USP17L7: variants seen among roughly 807,000 people sequenced by gnomAD.
USP17L7 encodes ubiquitin specific peptidase 17 like family member 7, also known as inactive ubiquitin carboxyl-terminal hydrolase 17-like protein 7.
In USP17L7, 53 loss-of-function variants were observed where a neutral mutation model predicts 37.6. The observed-to-expected ratio is 1.41, with a 90% CI of 1.13 to 1.77. USP17L7 has a LOEUF of 1.77. Among genes scored for constraint, USP17L7 ranks in the 40% most tolerant of loss-of-function variants. The pLI is 0.00. For missense variants in USP17L7, 914 were observed against 645.0 expected (o/e 1.42, Z -4.52); for synonymous variants, 330 against 251.0 (o/e 1.31, Z -2.98).
rs745677004 is a variant in USP17L7, at chr8:12,133,715, T to C, written c.295A>G (p.Thr99Ala). 1 of 1,318,056 alleles carries C rather than the reference T, an allele frequency of 7.6e-7. No individual in the cohort carries two copies. The highest frequency in any genetic ancestry group is 1.1e-6 in the Non-Finnish European group (1 of 935,890). 81.6% of individuals were successfully genotyped at this position (1,318,056 alleles called of 1,614,324 possible). ...FYVNVSLQCLTYTLPLSNYML... is the reference protein window; with the variant it reads ...FYVNVSLQCLAYTLPLSNYML... ...TAGTTGGAAAGCGGCAGTGTGTATGTCAGGCACTGCAGGGAAACGTTCACA... is the reference window on the plus strand; with the variant it reads ...TAGTTGGAAAGCGGCAGTGTGTATGCCAGGCACTGCAGGGAAACGTTCACA... Residue 99 changes from threonine to alanine, a missense_variant, in exon 1 of 1, where the codon ACA becomes GCA. Thr to Ala is a moderately conservative substitution (Grantham distance 58). Coordinates refer to ENST00000530447, the MANE Select transcript of USP17L7 (RefSeq NM_001256869.2).
Position 12,133,890 on chromosome 8 carries a change from C to T in USP17L7, c.120G>A (p.Lys40=). 4 of 1,498,034 alleles carry T rather than the reference C, an allele frequency of 2.7e-6. No individual in the cohort carries two copies. Among genetic ancestry groups the T allele is most frequent in the Non-Finnish European group, 3.6e-6 (4 of 1,099,344 alleles). The allele number at this position is 1,498,034 out of a possible 1,614,324, so 92.8% of individuals were successfully genotyped here. The change falls in exon 1 of 1, where the codon AAG becomes AAA. Residue 40 remains lysine (K), a synonymous_variant. Coordinates refer to ENST00000530447, the MANE Select transcript of USP17L7 (RefSeq NM_001256869.2). ...AEIQRTSLSE[K]SPLSSETRFD... ...AACGGGTCTCAGATGAGAGTGGTGA[C>T]TTTTCAGAGAGAGAAGTCCGCTGGA... is the stretch of plus-strand genomic sequence containing the variant.
At position 12,132,804 on chromosome 8, in the gene USP17L7, T is replaced by G. The variant is rs756018706; in HGVS notation, c.1206A>C (p.Pro402=). 6.6e-7 allele frequency: 1 copy of G among 1,518,698 alleles called. No homozygotes were observed. 94.1% of individuals were successfully genotyped at this position (1,518,698 alleles called of 1,614,324 possible). The change falls in exon 1 of 1, where the codon CCA becomes CCC. Residue 402 remains proline, a synonymous_variant. Transcript: ENST00000530447. ...RALGAEDTDR[P]ATQGELKRDH... is the part of the protein sequence containing the mutation. The stretch of plus-strand genomic sequence containing the variant: ...CTCTCTTGAGCTCTCCTTGCGTTGC[T>G]GGCCTGTCTGTGTCTTCAGCACCAA...
rs1328066519 is a variant in USP17L7 at position 12,133,735 on chromosome 8, T to C, written c.275A>G (p.Asn92Ser). 7.2e-7 allele frequency: 1 copy of C among 1,382,220 alleles called. No homozygotes were observed. The highest frequency in any genetic ancestry group is 1.0e-6 in the Non-Finnish European group (1 of 994,642). 85.6% of individuals were successfully genotyped at this position (1,382,220 alleles called of 1,614,324 possible). The change falls in exon 1 of 1, where the codon AAC (asparagine) becomes AGC (serine). Residue 92 changes from asparagine to serine, a missense_variant. Asn to Ser is a conservative substitution (Grantham distance 46). Coordinates refer to ENST00000530447, the MANE Select transcript of USP17L7 (RefSeq NM_001256869.2). ...GTATGTCAGGCACTGCAGGGAAACG[T>C]TCACATAGAAGGTATTTCCTATCTT... ...LQKIGNTFYV[N>S]VSLQCLTYTL...
Position 12,133,502 on chromosome 8 carries a change from C to A in USP17L7, c.508G>T (p.Asp170Tyr). 2 of 1,476,014 alleles carry A rather than the reference C, an allele frequency of 1.4e-6. 1 individual carries two copies. The highest frequency in any genetic ancestry group is 1.8e-6 in the Non-Finnish European group (2 of 1,081,642). The allele number at this position is 1,476,014 out of a possible 1,614,324, so 91.4% of individuals were successfully genotyped here. ...GGAAGGCATGCCTTTTTCATGGCAT[C>A]CACAGTAAACATGAGAAATTCATGG... ...DAHEFLMFTVDAMKKACLPGH... is the reference protein window; with the variant it reads ...DAHEFLMFTVYAMKKACLPGH... The change falls in exon 1 of 1, where the codon GAT becomes TAT. Residue 170 changes from aspartate to tyrosine, a missense_variant. Transcript: ENST00000530447.
chr8:12,133,438 G>T lies in USP17L7; in HGVS notation c.572C>A (p.Thr191Asn), dbSNP rs544330872. ...CGCTCCAAATATTTGGTGGATGAGG[G>T]TGGTGTCCTTGGAGTGATGATCTAG... ...KQLDHHSKDT[T>N]LIHQIFGAYW... is the part of the protein sequence containing the mutation. Residue 191 changes from threonine (T) to asparagine (N), a missense_variant, in exon 1 of 1, where the codon ACC (threonine) becomes AAC (asparagine). Thr to Asn is a moderately conservative substitution (Grantham distance 65). Transcript: ENST00000530447. 6.8e-7 allele frequency: 1 copy of T among 1,461,118 alleles called. No homozygotes were observed. Among genetic ancestry groups the T allele is most frequent in the Non-Finnish European group, 9.3e-7 (1 of 1,071,500 alleles). The allele number at this position is 1,461,118 out of a possible 1,614,324, so 90.5% of individuals were successfully genotyped here.
At position 12,132,979 on chromosome 8, in the gene USP17L7, C is replaced by A; in HGVS notation, c.1031G>T (p.Gly344Val). The change falls in exon 1 of 1, where the codon GGC (glycine) becomes GTC (valine). Residue 344 changes from glycine to valine, a missense_variant. Physicochemically the swap from Gly to Val is moderately radical, Grantham distance 109. Coordinates refer to ENST00000530447, the MANE Select transcript of USP17L7 (RefSeq NM_001256869.2). ...HYFSYVKAQEGQWYKMDDAEV... is the reference protein window; with the variant it reads ...HYFSYVKAQEVQWYKMDDAEV... ...GGCATCATCCATTTTATACCACTGG[C>A]CTTCTTGAGCTTTGACATAAGAGAA... The A allele has an allele frequency of 2.6e-6, 4 of 1,531,916 alleles. No individual in the cohort carries two copies. The highest frequency in any genetic ancestry group is 3.5e-6 in the Non-Finnish European group (4 of 1,127,530). 94.9% of individuals were successfully genotyped at this position (1,531,916 alleles called of 1,614,324 possible).
At position 12,132,942 on chromosome 8, in the gene USP17L7, G is replaced by C; in HGVS notation, c.1068C>G (p.Ala356=). The C allele has an allele frequency of 3.9e-6, 6 of 1,530,566 alleles. 1 individual carries two copies. Among genetic ancestry groups the C allele is most frequent in the Non-Finnish European group, 5.3e-6 (6 of 1,125,930 alleles). 94.8% of individuals were successfully genotyped at this position (1,530,566 alleles called of 1,614,324 possible). A position where few individuals can be genotyped will look rare whatever the true frequency, so the allele number is the denominator to read the frequency against. ...WYKMDDAEVT[A]SGITSVLSQQ... Reference sequence around the variant, plus strand: ...GACTCAGGACAGAGGTGATGCCAGAGGCAGTGACCTCGGCATCATCCATTT... The same window carrying C: ...GACTCAGGACAGAGGTGATGCCAGACGCAGTGACCTCGGCATCATCCATTT... Residue 356 remains alanine, a synonymous_variant, in exon 1 of 1, where the codon GCC becomes GCG. Coordinates refer to ENST00000530447, the MANE Select transcript of USP17L7 (RefSeq NM_001256869.2).
Position 12,132,604 on chromosome 8 carries a change from G to C in USP17L7, c.1406C>G (p.Ser469Ter). The C allele has an allele frequency of 6.5e-7, 1 of 1,530,898 alleles. No homozygotes were observed. The highest frequency in any genetic ancestry group is 1.2e-5 in the South Asian group (1 of 81,170). 94.8% of individuals were successfully genotyped at this position (1,530,898 alleles called of 1,614,324 possible). Residue 469 changes from serine (S) to a stop codon, truncating the protein, a stop_gained, in exon 1 of 1, where the codon TCA becomes TGA. Coordinates refer to ENST00000530447, the MANE Select transcript of USP17L7 (RefSeq NM_001256869.2). LOFTEE classifies it high-confidence loss of function. ...GTTTTTCATACCACACTTGTATTTT[G>C]ATTGATGAATCACAAGTACGTTGGG... ...LPPNVLVIHQ[S>*]KYKCGMKNHH...
At position 12,133,536 on chromosome 8, in the gene USP17L7, C is replaced by T. The variant is rs1803035173; in HGVS notation, c.474G>A (p.Gln158=). 1.4e-6 allele frequency: 2 copies of T among 1,444,228 alleles called. No individual in the cohort carries two copies. Among genetic ancestry groups the T allele is most frequent in the Non-Finnish European group, 1.9e-6 (2 of 1,051,888 alleles). 89.5% of individuals were successfully genotyped at this position (1,444,228 alleles called of 1,614,324 possible). Residue 158 remains glutamine (Q), a synonymous_variant, in exon 1 of 1, where the codon CAG becomes CAA. Coordinates refer to ENST00000530447, the MANE Select transcript of USP17L7 (RefSeq NM_001256869.2). Reference sequence around the variant, plus strand: ...ACATGAGAAATTCATGGGCATCCTCCTGCTCACCTCTATGGAAGCCAGCAG... The same window carrying T: ...ACATGAGAAATTCATGGGCATCCTCTTGCTCACCTCTATGGAAGCCAGCAG... ...VLAAGFHRGE[Q]EDAHEFLMFT... is the part of the protein sequence containing the mutation.
In USP17L7 at chr8:12,133,116, A is replaced by C; in HGVS notation, c.894T>G (p.Pro298=). The change falls in exon 1 of 1, where the codon CCT becomes CCG. Residue 298 remains proline (P), a synonymous_variant. Transcript: ENST00000530447. ...TGTATGGCTGCATGTCACGGCACTT[A>C]GGATATTGCACATTCTTGGCAAGTT... ...GNKLAKNVQY[P]KCRDMQPYMS... 6.7e-7 allele frequency: 1 copy of C among 1,487,844 alleles called. No individual in the cohort carries two copies. Among genetic ancestry groups the C allele is most frequent in the Non-Finnish European group, 9.2e-7 (1 of 1,090,460 alleles). 92.2% of individuals were successfully genotyped at this position (1,487,844 alleles called of 1,614,324 possible).
Position 12,133,227 on chromosome 8 carries a change from C to T in USP17L7, c.783G>A (p.Ala261=), listed in dbSNP as rs750244444. Reference sequence around the variant, plus strand: ...GTAAAGTTAACGTCTTGGAGGCAGGCGCCTTCTGGAGACAAAGACCACAAT... The same window carrying T: ...GTAAAGTTAACGTCTTGGAGGCAGGTGCCTTCTGGAGACAAAGACCACAAT... ...AYHCGLCLQK[A]PASKTLTLPT... The change falls in exon 1 of 1, where the codon GCG becomes GCA. Residue 261 remains alanine (A), a synonymous_variant. Transcript: ENST00000530447. The T allele has an allele frequency of 1.2e-4, 182 of 1,501,722 alleles. 14 individuals are homozygous for T. The highest frequency in any genetic ancestry group is 2.9e-4 in the South Asian group (23 of 80,312). 93.0% of individuals were successfully genotyped at this position (1,501,722 alleles called of 1,614,324 possible). A position where few individuals can be genotyped will look rare whatever the true frequency, so the allele number is the denominator to read the frequency against.
chr8:12,134,096 G>T lies in USP17L7; in HGVS notation c.-87C>A, dbSNP rs1391107876. 2 of 789,384 alleles carry T rather than the reference G, an allele frequency of 2.5e-6. No individual in the cohort carries two copies. The highest frequency in any genetic ancestry group is 1.5e-5 in the South Asian group (1 of 66,978). 48.9% of individuals were successfully genotyped at this position (789,384 alleles called of 1,614,324 possible). On this transcript the variant is annotated 5_prime_UTR_variant, in exon 1 of 1. Transcript: ENST00000530447. ...ATCTCTTCCGAGAGAGTCTTCAAAT[G>T]ACCAGCTCTCTGGCCGCATCAGCCC...
Position 12,132,521 on chromosome 8 carries a change from G to T in USP17L7, c.1489C>A (p.Gln497Lys). The T allele has an allele frequency of 6.7e-7, 1 of 1,501,566 alleles. No individual in the cohort carries two copies. Among genetic ancestry groups the T allele is most frequent in the Non-Finnish European group, 9.1e-7 (1 of 1,102,654 alleles). The allele number at this position is 1,501,566 out of a possible 1,614,324, so 93.0% of individuals were successfully genotyped here. Residue 497 changes from glutamine to lysine, a missense_variant, in exon 1 of 1, where the codon CAG becomes AAG. By Grantham distance (53) the Gln-to-Lys change is moderately conservative. Coordinates refer to ENST00000530447, the MANE Select transcript of USP17L7 (RefSeq NM_001256869.2). ...LNLSSTKPTD[Q>K]ESMNTGTLAS... is the part of the protein sequence containing the mutation. Reference sequence around the variant, plus strand: ...AGTGTGCCAGTGTTCATGGACTCCTGATCTGTCGGTTTCGTCGAAGAGAGG... The same window carrying T: ...AGTGTGCCAGTGTTCATGGACTCCTTATCTGTCGGTTTCGTCGAAGAGAGG...
Position 12,133,857 on chromosome 8 carries a change from G to A in USP17L7, c.153C>T (p.Leu51=), listed in dbSNP as rs1252088833. The part of the protein sequence containing the change: ...SPLSSETRFD[L]CDDLAPVARQ... ...TTGCCACAGGAGCCAAATCATCACA[G>A]AGGTCGAAACGGGTCTCAGATGAGA... The change falls in exon 1 of 1, where the codon CTC becomes CTT. Residue 51 remains leucine, a synonymous_variant. Transcript: ENST00000530447. The A allele has an allele frequency of 6.6e-7, 1 of 1,525,816 alleles. No individual in the cohort carries two copies. The highest frequency in any genetic ancestry group is 1.7e-5 in the Admixed American group (1 of 57,316). The allele number at this position is 1,525,816 out of a possible 1,614,324, so 94.5% of individuals were successfully genotyped here.
Position 12,132,502 on chromosome 8 carries a change from C to G in USP17L7, c.1508G>C (p.Gly503Ala), listed in dbSNP as rs763933510. Residue 503 changes from glycine to alanine, a missense_variant, in exon 1 of 1, where the codon GGC (glycine) becomes GCC (alanine). Transcript: ENST00000530447. Reference protein sequence around the residue: ...KPTDQESMNTGTLASLQGSTR... With the variant: ...KPTDQESMNTATLASLQGSTR... The stretch of plus-strand genomic sequence containing the variant: ...GCTCCCTTGCAGAGAAGCGAGTGTG[C>G]CAGTGTTCATGGACTCCTGATCTGT... The G allele has an allele frequency of 7.3e-5, 107 of 1,474,898 alleles. No homozygotes were observed. Among genetic ancestry groups the G allele is most frequent in the Non-Finnish European group, 9.7e-5 (105 of 1,079,210 alleles). 91.4% of individuals were successfully genotyped at this position (1,474,898 alleles called of 1,614,324 possible). A position where few individuals can be genotyped will look rare whatever the true frequency, so the allele number is the denominator to read the frequency against.
Position 12,133,778 on chromosome 8 carries a change from C to T in USP17L7, c.232G>A (p.Val78Met), listed in dbSNP as rs754717792. ...CCTATCTTCTGGAGCCCAGCCCCCA[C>T]CGCAGCAGGTCTCCTGCTACTCAGA... ...LPLSSRRPAAVGAGLQKIGNT... is the reference protein window; with the variant it reads ...LPLSSRRPAAMGAGLQKIGNT... Residue 78 changes from valine to methionine, a missense_variant, in exon 1 of 1, where the codon GTG becomes ATG. Transcript: ENST00000530447. 89 of 1,492,036 alleles carry T rather than the reference C, an allele frequency of 6.0e-5. 6 individuals carry two copies. Among genetic ancestry groups the T allele is most frequent in the Middle Eastern group, 2.5e-4 (1 of 4,064 alleles). The allele number at this position is 1,492,036 out of a possible 1,614,324, so 92.4% of individuals were successfully genotyped here.
rs775533975 is a variant in USP17L7, at chr8:12,133,219, G to C, written c.791C>G (p.Ser264Cys). The change falls in exon 1 of 1, where the codon TCC becomes TGC. Residue 264 changes from serine (S) to cysteine (C), a missense_variant. By Grantham distance (112) the Ser-to-Cys change is moderately radical (BLOSUM62 -1). Transcript: ENST00000530447. ...CGLCLQKAPA[S>C]KTLTLPTSAK... is the part of the protein sequence containing the mutation. Reference sequence around the variant, plus strand: ...AGAAGTGGGTAAAGTTAACGTCTTGGAGGCAGGCGCCTTCTGGAGACAAAG... The same window carrying C: ...AGAAGTGGGTAAAGTTAACGTCTTGCAGGCAGGCGCCTTCTGGAGACAAAG... The C allele has an allele frequency of 1.3e-6, 2 of 1,502,858 alleles. No individual in the cohort carries two copies. The highest frequency in any genetic ancestry group is 1.8e-6 in the Non-Finnish European group (2 of 1,104,844). 93.1% of individuals were successfully genotyped at this position (1,502,858 alleles called of 1,614,324 possible). A position where few individuals can be genotyped will look rare whatever the true frequency, so the allele number is the denominator to read the frequency against.
rs778281912 is a variant in USP17L7, at chr8:12,133,136, C to A, written c.874G>T (p.Ala292Ser). Residue 292 changes from alanine (A) to serine (S), a missense_variant, in exon 1 of 1, where the codon GCC becomes TCC. By Grantham distance (99) the Ala-to-Ser change is moderately conservative (BLOSUM62 1). Transcript: ENST00000530447. ...CACTTAGGATATTGCACATTCTTGG[C>A]AAGTTTGTTGCCTGTGACATCGGAG... is the stretch of plus-strand genomic sequence containing the variant. ...RFSDVTGNKLAKNVQYPKCRD... is the reference protein window; with the variant it reads ...RFSDVTGNKLSKNVQYPKCRD... 63 of 1,506,646 alleles carry A rather than the reference C, an allele frequency of 4.2e-5. 6 individuals are homozygous for A. Among genetic ancestry groups the A allele is most frequent in the Non-Finnish European group, 1.5e-5 (17 of 1,106,446 alleles). The allele number at this position is 1,506,646 out of a possible 1,614,324, so 93.3% of individuals were successfully genotyped here. A position where few individuals can be genotyped will look rare whatever the true frequency, so the allele number is the denominator to read the frequency against.
Position 12,132,630 on chromosome 8 carries a change from A to T in USP17L7, c.1380T>A (p.Pro460=). The T allele has an allele frequency of 2.0e-6, 3 of 1,534,278 alleles. 1 individual carries two copies. The highest frequency in any genetic ancestry group is 2.7e-6 in the Non-Finnish European group (3 of 1,131,622). The part of the protein sequence containing the change: ...FNVRKVEGTL[P]PNVLVIHQSK... The stretch of plus-strand genomic sequence containing the variant: ...ATTGATGAATCACAAGTACGTTGGG[A>T]GGCAGGGTACCTTCAACTTTTCTGA... Residue 460 remains proline (P), a synonymous_variant, in exon 1 of 1, where the codon CCT becomes CCA. Transcript: ENST00000530447.
Sources: gnomAD v4.1 joint callset for allele counts on GRCh38, gnomAD v4.1.1 for gene constraint, MANE v1.5 for transcripts, NCBI Gene and HGNC (gene_info 2026-07-23, HGNC 2026-07-21) for gene names.